Variants in TSHZ2 observed in about 807,000 individuals in gnomAD.
The protein encoded by TSHZ2 is teashirt homolog 2.
In TSHZ2, 21 loss-of-function variants were observed where a neutral mutation model predicts 74.4. That is an observed-to-expected ratio of 0.28 (90% confidence interval 0.20 to 0.41). The LOEUF (loss-of-function observed/expected upper bound fraction) is 0.41. TSHZ2 is among the 10% of genes least tolerant of loss of function. The pLI is 1.00. For synonymous variants in TSHZ2, 540 were observed against 515.3 expected, an observed-to-expected ratio of 1.05 and a Z score of -0.65; for missense variants, 1,244 against 1,293.5, an observed-to-expected ratio of 0.96 and a Z score of 0.59.
intron 1 of TSHZ2, among the ~76,000 whole-genome samples, chr20:53,043,161 A>C (rs539188159): frequency 6.6e-5 from 10 of 152,352 alleles, no homozygotes; most frequent in Admixed American, 3.3e-4. Flanking sequence ...TGTAAATTTG[A>C]TTGTGCATAA....
At chr20:53,086,712 T>C (rs183384077) in intron 1 of TSHZ2, among the ~76,000 whole-genome samples, 2 of 152,326 alleles carry the variant, frequency 1.3e-5, no homozygotes, top group Admixed American at 1.3e-4. Context: ...ACTCGTGTCC[T>C]GAAACCGTGT....
Position 53,090,430 on chromosome 20 carries a change from G to A in TSHZ2, c.40+117097G>A, listed in dbSNP as rs148332374. Among the ~76,000 whole-genome samples, 688 of 152,358 alleles carry A rather than the reference G, an allele frequency of 4.5e-3. 2 individuals are homozygous for A. The highest frequency in any genetic ancestry group is 6.6e-3 in the Non-Finnish European group (449 of 68,040). On this transcript the variant is annotated intron_variant, in intron 1 of 2. Transcript: ENST00000371497. ...CATTCTGACTGGGGTTGAGAATAGG[G>A]TGGAGAGAGTCAGGGCATGAAGCCA...
intron 2 of TSHZ2, among the ~76,000 whole-genome samples, chr20:53,391,817 C>A (rs929110288): frequency 6.6e-6 from 1 of 152,074 alleles, no homozygotes; most frequent in African/African-American, 2.4e-5. Flanking sequence ...GTGGTGTGCA[C>A]CTGTGATCCC....
intron 1 of TSHZ2, among the ~76,000 whole-genome samples, chr20:53,203,808 T>A (rs1989070269): frequency 6.6e-6 from 1 of 152,032 alleles, no homozygotes; most frequent in African/African-American, 2.4e-5. Flanking sequence ...ACCTAAAAAC[T>A]GAAACTGGGT....
intron 2 of TSHZ2, among the ~76,000 whole-genome samples, chr20:53,340,880 T>A (rs1980171252): frequency 6.6e-6 from 1 of 152,164 alleles, no homozygotes; most frequent in East Asian, 1.9e-4. Context: ...CTGTGTTCGC[T>A]TGGACAAGCT....
chr20:53,083,838 A>T (rs920300090), intron 1 of TSHZ2, among the ~76,000 whole-genome samples: 1 of 151,742 alleles, frequency 6.6e-6, no homozygotes. Context: ...GGGAATGTCT[A>T]TTTTTTTTAT....
chr20:53,468,825 A>G (rs1985644668), intron 2 of TSHZ2, among the ~76,000 whole-genome samples: 1 of 150,890 alleles, frequency 6.6e-6, no homozygotes. Flanking sequence ...TAAAAGAGGA[A>G]GTTCAGAAGT....
intron 1 of TSHZ2, among the ~76,000 whole-genome samples, chr20:53,162,304 G>C (rs528328068): frequency 6.6e-6 from 1 of 152,152 alleles, no homozygotes; most frequent in African/African-American, 2.4e-5. Context: ...GGGATGGGGC[G>C]GGGAGGGAAG....
chr20:53,221,944 A>G (rs1989569549), intron 1 of TSHZ2, among the ~76,000 whole-genome samples: 1 of 152,238 alleles, frequency 6.6e-6, no homozygotes, highest in East Asian at 1.9e-4. Context: ...TGCAACTGCT[A>G]ATGCCTTACA....
intron 1 of TSHZ2, among the ~76,000 whole-genome samples, chr20:53,212,962 C>G (rs1245567712): frequency 6.6e-6 from 1 of 152,088 alleles, no homozygotes; most frequent in Non-Finnish European, 1.5e-5. Flanking sequence ...TCTCCTGAAT[C>G]CTGTGGATCA....
chr20:53,307,615 G>A (rs2145493842), intron 2 of TSHZ2, among the ~76,000 whole-genome samples: 1 of 152,182 alleles, frequency 6.6e-6, no homozygotes, highest in South Asian at 2.1e-4. Flanking sequence ...CTGGATGTAG[G>A]GCTTTTTTTC....
chr20:53,139,628 G>A lies in TSHZ2; in HGVS notation c.41-113871G>A, dbSNP rs6126763. Among the ~76,000 whole-genome samples the A allele has an allele frequency of 5.3e-5, 8 of 152,306 alleles. No individual in the cohort carries two copies. In the South Asian group the frequency reaches 6.2e-4, roughly 12 times the overall value. ...GCAGTGATCAAAAGTGGAATCTTTCGTGTCAGATAGAGGGCTAGCAGAGTG... is the reference window on the plus strand; with the variant it reads ...GCAGTGATCAAAAGTGGAATCTTTCATGTCAGATAGAGGGCTAGCAGAGTG... On this transcript the variant is annotated intron_variant, in intron 1 of 2. Transcript: ENST00000371497.
chr20:53,111,242 T>G (rs1444942145), intron 1 of TSHZ2, among the ~76,000 whole-genome samples: 1 of 152,300 alleles, frequency 6.6e-6, no homozygotes, highest in Non-Finnish European at 1.5e-5. Context: ...CAGGAGAAGA[T>G]TATTTATTCA....
chr20:53,282,574 A>T (rs1991084972), intron 2 of TSHZ2, among the ~76,000 whole-genome samples: 2 of 152,242 alleles, frequency 1.3e-5, no homozygotes, highest in Admixed American at 1.3e-4. Context: ...TGTAAAATTT[A>T]AAATCCTTAA....
chr20:53,085,986 G>A (rs1208300116), intron 1 of TSHZ2, among the ~76,000 whole-genome samples: 3 of 152,160 alleles, frequency 2.0e-5, no homozygotes, highest in African/African-American at 7.2e-5. Context: ...TATTGTGCAT[G>A]TGGCATGGTC....
Position 53,031,543 on chromosome 20 carries a change from C to T in TSHZ2, c.40+58210C>T, listed in dbSNP as rs908561347. ...ATAGAGAAAGGCCTGTAGCATCTGA[C>T]TCCTGCGTGCTTGGTGACAGGGTCA... On this transcript the variant is annotated intron_variant, in intron 1 of 2. Transcript: ENST00000371497. Among the ~76,000 whole-genome samples, 3 of 152,262 alleles carry T rather than the reference C, an allele frequency of 2.0e-5. No homozygotes were observed. In the South Asian group the frequency reaches 6.2e-4, roughly 32 times the overall value.
At chr20:53,172,469 T>C (rs895509610) in intron 1 of TSHZ2, among the ~76,000 whole-genome samples, 2 of 152,196 alleles carry the variant, frequency 1.3e-5, no homozygotes, top group Non-Finnish European at 2.9e-5. Flanking sequence ...TTCTAGTCAG[T>C]TAACAGTTTA....
chr20:53,403,774 G>A (rs1455344025), intron 2 of TSHZ2, among the ~76,000 whole-genome samples: 3 of 152,202 alleles, frequency 2.0e-5, no homozygotes, highest in South Asian at 4.1e-4. Context: ...ATTCAGGTGC[G>A]AGTCTTCAGT....
chr20:53,166,393 G>A (rs994750044), intron 1 of TSHZ2, among the ~76,000 whole-genome samples: 7 of 152,142 alleles, frequency 4.6e-5, no homozygotes, highest in Non-Finnish European at 1.0e-4. Flanking sequence ...TGAGGTGGGA[G>A]GATTTCTTGA....
Sources: allele counts gnomAD v4.1 joint callset (sites outside exome capture counted in the v4.1 genomes callset), GRCh38; gene constraint gnomAD v4.1.1; transcripts MANE v1.5; gene names NCBI Gene and HGNC (gene_info 2026-07-23, HGNC 2026-07-21).